CDKAL1: variants seen among roughly 807,000 people sequenced by gnomAD.
CDKAL1 encodes the protein threonylcarbamoyladenosine tRNA methylthiotransferase.
A neutral mutation model predicts 68.2 loss-of-function variants in CDKAL1; 32 were observed. The observed-to-expected ratio is 0.47, with a 90% CI of 0.35 to 0.63. CDKAL1 has a LOEUF of 0.63. Ranked by LOEUF, CDKAL1 falls within the 30% of genes least tolerant of loss-of-function variation. The probability of loss-of-function intolerance (pLI) is 0.00; values close to 1 mark genes in which losing one functional copy is unlikely to be tolerated. For synonymous variants in CDKAL1, 234 were observed against 244.3 expected (o/e 0.96, Z 0.39); for missense variants, 606 against 696.7 (o/e 0.87, Z 1.47).
intron 9 of CDKAL1, among the ~76,000 whole-genome samples, chr6:20,886,072 A>C (rs67816138): frequency 0.11 from 16,061 of 152,228 alleles, 930 homozygotes; most frequent in South Asian, 0.14. Context: ...CTCAACAAGC[A>C]GACAACCCAG....
chr6:20,980,007 G>A (rs1228051124), intron 10 of CDKAL1, among the ~76,000 whole-genome samples: 1 of 151,752 alleles, frequency 6.6e-6, no homozygotes, highest in African/African-American at 2.4e-5. Context: ...CCTGACCTCA[G>A]GTGATCCACC....
intron 2 of CDKAL1, among the ~76,000 whole-genome samples, chr6:20,541,413 TCCTC>T (rs1482478011): frequency 3.9e-5 from 6 of 152,190 alleles, no homozygotes; most frequent in African/African-American, 1.4e-4. Context: ...TAAGTAGGCT[TCCTC>T]CCTGTAGCAG....
intron 12 of CDKAL1, among the ~76,000 whole-genome samples, chr6:21,091,563 C>T (rs1773009247): frequency 6.6e-6 from 1 of 152,220 alleles, no homozygotes; most frequent in Non-Finnish European, 1.5e-5. Flanking sequence ...CTCACACCAA[C>T]AGAAGACTGG....
intron 12 of CDKAL1, among the ~76,000 whole-genome samples, chr6:21,095,144 G>A (rs1773253579): frequency 6.6e-6 from 1 of 152,224 alleles, no homozygotes; most frequent in South Asian, 2.1e-4. Flanking sequence ...GATAAGGTTG[G>A]CAGGGATGGG....
chr6:20,781,128 A>G lies in CDKAL1; in HGVS notation c.518-17A>G, dbSNP rs770293706. On this transcript the variant is annotated splice_polypyrimidine_tract_variant and intron_variant, in intron 7 of 15. Coordinates refer to ENST00000274695, the MANE Select transcript of CDKAL1 (RefSeq NM_017774.3). ...GTGTAACTCTTGCTAATGTATATTT[A>G]TGTGCTTGATTTGAAGGTCACTCTG... 3.7e-6 allele frequency: 6 copies of G among 1,610,514 alleles called. No individual in the cohort carries two copies. The highest frequency in any genetic ancestry group is 5.1e-6 in the Non-Finnish European group (6 of 1,179,020).
chr6:20,758,716 C>G (rs1384252481), intron 7 of CDKAL1, 73 bp downstream of exon 7: 1 of 1,018,454 alleles, frequency 9.8e-7, no homozygotes, highest in East Asian at 2.5e-5. Flanking sequence ...ACTCAGGTAA[C>G]TCTTGCCAGG....
At chr6:21,172,530 G>A (rs1311733260) in intron 13 of CDKAL1, among the ~76,000 whole-genome samples, 3 of 152,156 alleles carry the variant, frequency 2.0e-5, no homozygotes, top group Non-Finnish European at 4.4e-5. Flanking sequence ...CGGGCAGATC[G>A]CTCGAGCCCA....
At chr6:21,127,879 C>G (rs1368863425) in intron 13 of CDKAL1, among the ~76,000 whole-genome samples, 1 of 152,196 alleles carries the variant, frequency 6.6e-6, no homozygotes, top group Non-Finnish European at 1.5e-5. Flanking sequence ...ACAGTAGAGT[C>G]TGAAGACTGA....
intron 9 of CDKAL1, among the ~76,000 whole-genome samples, chr6:20,913,018 A>G (rs1762535966): frequency 6.6e-6 from 1 of 152,092 alleles, no homozygotes; most frequent in East Asian, 1.9e-4. Flanking sequence ...AAAACAAAAA[A>G]AAGTGTTGAG....
At chr6:20,640,290 A>G (rs1440524584) in intron 4 of CDKAL1, among the ~76,000 whole-genome samples, 1 of 152,186 alleles carries the variant, frequency 6.6e-6, no homozygotes, top group East Asian at 1.9e-4. Context: ...AAATCCATGA[A>G]TAGACTCCTT....
intron 4 of CDKAL1, among the ~76,000 whole-genome samples, chr6:20,568,672 T>C (rs915904629): frequency 6.7e-6 from 1 of 148,870 alleles, no homozygotes; most frequent in African/African-American, 2.5e-5. Context: ...GAGGCGGAGC[T>C]TGCAGTGAGC....
intron 5 of CDKAL1, among the ~76,000 whole-genome samples, chr6:20,734,572 G>C (rs529722846): frequency 5.0e-4 from 76 of 152,240 alleles, no homozygotes; most frequent in African/African-American, 1.7e-3. Context: ...GTACTGTTGA[G>C]AACAAAAATA....
At chr6:20,899,424 A>G (rs1445863963) in intron 9 of CDKAL1, among the ~76,000 whole-genome samples, 2 of 152,186 alleles carry the variant, frequency 1.3e-5, no homozygotes, top group Non-Finnish European at 2.9e-5. Context: ...TTTTCAGGGC[A>G]TAATTTGTCT....
chr6:21,181,474 CCTT>C (rs1174401542), intron 13 of CDKAL1, among the ~76,000 whole-genome samples: 2 of 152,160 alleles, frequency 1.3e-5, no homozygotes, highest in Non-Finnish European at 2.9e-5. Context: ...TTCTCTTTGC[CCTT>C]CTACCTTCTG....
chr6:20,727,104 G>C (rs1409283750), intron 5 of CDKAL1, among the ~76,000 whole-genome samples: 1 of 152,156 alleles, frequency 6.6e-6, no homozygotes, highest in Non-Finnish European at 1.5e-5. Context: ...TAAACAAGAG[G>C]GTGGTTACTC....
intron 9 of CDKAL1, among the ~76,000 whole-genome samples, chr6:20,935,879 C>G (rs1457341732): frequency 6.6e-6 from 1 of 152,186 alleles, no homozygotes; most frequent in East Asian, 1.9e-4. Flanking sequence ...TCACTGCACA[C>G]CAGACCTGCT....
chr6:20,541,710 G>T (rs949208527), intron 2 of CDKAL1, among the ~76,000 whole-genome samples: 1 of 152,098 alleles, frequency 6.6e-6, no homozygotes, highest in African/African-American at 2.4e-5. Context: ...GCCCAGGCTG[G>T]AGTGCAATGG....
chr6:20,824,553 C>G (rs1314256532), intron 8 of CDKAL1, among the ~76,000 whole-genome samples: 2 of 152,148 alleles, frequency 1.3e-5, no homozygotes, highest in Admixed American at 6.5e-5. Flanking sequence ...CAATCAGAGG[C>G]CACCCTTAGT....
rs1180595192 is a variant in CDKAL1, at chr6:20,950,403, C to T, written c.743-5016C>T. On this transcript the variant is annotated intron_variant, in intron 9 of 15. Coordinates refer to ENST00000274695, the MANE Select transcript of CDKAL1 (RefSeq NM_017774.3). ...CCTCCCAAAGTGCTGAGATTACAGGCGTGAGCCACTGCACCCAGCGTAATT... is the reference window on the plus strand; with the variant it reads ...CCTCCCAAAGTGCTGAGATTACAGGTGTGAGCCACTGCACCCAGCGTAATT... Among the ~76,000 whole-genome samples, 3 of 152,206 alleles carry T rather than the reference C, an allele frequency of 2.0e-5. No individual in the cohort carries two copies. In the East Asian group the frequency reaches 5.8e-4, roughly 29 times the overall value.
Sources: allele counts gnomAD v4.1 joint callset (sites outside exome capture counted in the v4.1 genomes callset), GRCh38; gene constraint gnomAD v4.1.1; transcripts MANE v1.5; gene names NCBI Gene and HGNC (gene_info 2026-07-23, HGNC 2026-07-21).